Variants in SYCP2 observed in about 807,000 individuals in gnomAD.
The protein encoded by SYCP2 is synaptonemal complex protein 2, also known as synaptonemal complex lateral element protein.
In SYCP2, 55 loss-of-function variants were observed where a neutral mutation model predicts 211.3. That is an observed-to-expected ratio of 0.26 (90% confidence interval 0.21 to 0.33). SYCP2 has a LOEUF of 0.33. Among genes scored for constraint, SYCP2 ranks in the 10% least tolerant of loss-of-function variants. SYCP2 has a pLI of 1.00. For synonymous variants in SYCP2, 570 were observed against 555.2 expected (o/e 1.03, Z -0.37); for missense variants, 1,731 against 1,752.0 (o/e 0.99, Z 0.21).
rs1202785909 is a variant in SYCP2 at position 59,868,586 on chromosome 20, A to G, written c.3833-18T>C. 1 of 1,563,098 alleles carries G rather than the reference A, an allele frequency of 6.4e-7. No homozygotes were observed. Among genetic ancestry groups the G allele is most frequent in the Non-Finnish European group, 8.6e-7 (1 of 1,164,416 alleles). On this transcript the variant is annotated intron_variant, in intron 37 of 44. Coordinates refer to ENST00000357552, the MANE Select transcript of SYCP2 (RefSeq NM_014258.4). ...GGTGGGGCCTTAGGAACAGTTAAAG[A>G]AAGTTAAAAGCGCTGCAATTTTCAT...
At chr20:59,920,310 C>A (rs2060517358) in intron 5 of SYCP2, 49 bp downstream of exon 5, 1 of 1,441,822 alleles carries the variant, frequency 6.9e-7, no homozygotes, top group Non-Finnish European at 9.4e-7. Context: ...GAAAGCATAT[C>A]TTTTATAATA....
intron 24 of SYCP2, among the ~76,000 whole-genome samples, chr20:59,889,082 G>T (rs1287277616): frequency 6.6e-6 from 1 of 151,974 alleles, no homozygotes; most frequent in Non-Finnish European, 1.5e-5. Flanking sequence ...ATTCCTAGTT[G>T]AAAGAACAAA....
In SYCP2 at chr20:59,904,749, T is replaced by C. The variant is rs1015787014; in HGVS notation, c.1033+2615A>G. Among the ~76,000 whole-genome samples the C allele has an allele frequency of 3.9e-5, 6 of 152,146 alleles. No individual in the cohort carries two copies. The South Asian group carries it at 6.2e-4, about 16-fold the overall frequency. ...AGGGTGGGAAACTTATAAAAAAAGATTTATTTGGCTCATAGTTCTGCAGGC... is the reference window on the plus strand; with the variant it reads ...AGGGTGGGAAACTTATAAAAAAAGACTTATTTGGCTCATAGTTCTGCAGGC... On this transcript the variant is annotated intron_variant, in intron 15 of 44. Coordinates refer to ENST00000357552, the MANE Select transcript of SYCP2 (RefSeq NM_014258.4).
In SYCP2 at chr20:59,886,964, T is replaced by C. The variant is rs189651898; in HGVS notation, c.2365-130A>G. On this transcript the variant is annotated intron_variant, in intron 24 of 44. Transcript: ENST00000357552. The stretch of plus-strand genomic sequence containing the variant: ...GCGGAGAGAAATAAAGAGAGTCAAC[T>C]GTTTAGTAAGTTTGAGCTTTGTTAG... 77 of 669,750 alleles carry C rather than the reference T, an allele frequency of 1.1e-4. No individual in the cohort carries two copies. The African/African-American group carries it at 1.4e-3, about 12-fold the overall frequency. The allele number at this position is 669,750 out of a possible 1,614,324, so 41.5% of individuals were successfully genotyped here.
At chr20:59,884,897 T>G (rs148283443) in intron 26 of SYCP2, among the ~76,000 whole-genome samples, 82 of 151,464 alleles carry the variant, frequency 5.4e-4, no homozygotes, top group African/African-American at 1.9e-3. Context: ...AAATAAAAAT[T>G]TAAAAGGTAC....
At chr20:59,899,545 C>A (rs1350879079) in intron 18 of SYCP2, among the ~76,000 whole-genome samples, 1 of 152,108 alleles carries the variant, frequency 6.6e-6, no homozygotes, top group Non-Finnish European at 1.5e-5. Context: ...TTAGAGCAAA[C>A]CTACCAAGAG....
intron 3 of SYCP2, among the ~76,000 whole-genome samples, chr20:59,921,914 A>T (rs536953529): frequency 2.6e-5 from 4 of 151,738 alleles, no homozygotes; most frequent in Admixed American, 2.0e-4. Context: ...CATTACCATT[A>T]TATAATATTT....
chr20:59,892,102 G>A lies in SYCP2; in HGVS notation c.2252C>T (p.Thr751Ile), dbSNP rs6071006. ...KKYILSKDVN[T>I]ATCDKNPSAS... is the part of the protein sequence containing the mutation. ...AGATGGATTTTTATCGCAAGTAGCA[G>A]TATTCACATCTTTTGACAATATGTA... Residue 751 changes from threonine (T) to isoleucine (I), a missense_variant, in exon 24 of 45, where the codon ACT becomes ATT. By Grantham distance (89) the Thr-to-Ile change is moderately conservative (BLOSUM62 -1). Around this residue, in one of 3 missense-constraint regions of SYCP2, gnomAD observed 1,387 missense variants for 1,351.3 expected, o/e 1.03. Transcript: ENST00000357552. 0.026 allele frequency: 42,279 copies of A among 1,611,944 alleles called. 619 individuals carry two copies. Among genetic ancestry groups the A allele is most frequent in the Middle Eastern group, 0.043 (260 of 6,046 alleles).
chr20:59,917,499 T>C (rs751611624), intron 7 of SYCP2, among the ~76,000 whole-genome samples: 4 of 151,982 alleles, frequency 2.6e-5, no homozygotes, highest in Non-Finnish European at 4.4e-5. Context: ...TTATTTACTT[T>C]AAAAATCAGG....
At position 59,922,407 on chromosome 20, in the gene SYCP2, T is replaced by C. The variant is rs762682573; in HGVS notation, c.7A>G (p.Ile3Val). 30 of 1,567,798 alleles carry C rather than the reference T, an allele frequency of 1.9e-5. No individual in the cohort carries two copies. The highest frequency in any genetic ancestry group is 1.0e-4 in the Admixed American group (5 of 47,962). Residue 3 changes from isoleucine to valine, a missense_variant, in exon 3 of 45, where the codon ATA (isoleucine) becomes GTA (valine). Ile to Val is a conservative substitution (Grantham distance 29). Coordinates refer to ENST00000357552, the MANE Select transcript of SYCP2 (RefSeq NM_014258.4). ...CTACATACCTGGAGATCTGGTCTTA[T>C]TGGCATTTTGACTTCATTTAAAAAA... is the stretch of plus-strand genomic sequence containing the variant. MPIRPDLQQLEKC... is the reference protein window; with the variant it reads MPVRPDLQQLEKC...
Position 59,915,548 on chromosome 20 carries a change from A to C in SYCP2, c.516T>G (p.Ile172Met). 1 of 1,589,186 alleles carries C rather than the reference A, an allele frequency of 6.3e-7. No individual in the cohort carries two copies. The highest frequency in any genetic ancestry group is 8.6e-7 in the Non-Finnish European group (1 of 1,158,504). ...CAAGCATAGCATTCATTTTTTTTAT[A>C]ATCTAGAAAAGAAAAAAAGATAATG... Reference protein sequence around the residue: ...SRVNICIQQEIIKKMNAMLDK... With the variant: ...SRVNICIQQEMIKKMNAMLDK... The change falls in exon 9 of 45, where the codon ATT becomes ATG. Residue 172 changes from isoleucine (I) to methionine (M), a missense_variant and splice_region_variant. Transcript: ENST00000357552.
intron 1 of SYCP2, among the ~76,000 whole-genome samples, chr20:59,932,635 C>A (rs2060779920): frequency 1.3e-5 from 2 of 152,104 alleles, no homozygotes. Context: ...GATCGCACCA[C>A]TAAACTCCAG....
At chr20:59,915,350 T>C in intron 9 of SYCP2, 115 bp downstream of exon 9, 1 of 976,088 alleles carries the variant, frequency 1.0e-6, no homozygotes, top group Non-Finnish European at 1.6e-6. Context: ...TAAATTATAT[T>C]AAAAAGCTGC....
chr20:59,912,412 A>G lies in SYCP2; in HGVS notation c.837T>C (p.Phe279=), dbSNP rs777428044. ...NGMLGDKRRV[F]TFPCLSAFLD... ...GAAATGCTGATAAACAAGGAAATGT[A>G]AAGACCCTGAAATAAAAAGTAGTTT... is the stretch of plus-strand genomic sequence containing the variant. Residue 279 remains phenylalanine, a synonymous_variant, in exon 13 of 45, where the codon TTT becomes TTC. Coordinates refer to ENST00000357552, the MANE Select transcript of SYCP2 (RefSeq NM_014258.4). 1.2e-5 allele frequency: 13 copies of G among 1,064,198 alleles called. No homozygotes were observed. In the Admixed American group the frequency reaches 3.2e-4, roughly 26 times the overall value. The allele number at this position is 1,064,198 out of a possible 1,614,324, so 65.9% of individuals were successfully genotyped here.
intron 2 of SYCP2, among the ~76,000 whole-genome samples, chr20:59,924,758 A>C (rs997917794): frequency 6.6e-6 from 1 of 152,062 alleles, no homozygotes; most frequent in Non-Finnish European, 1.5e-5. Context: ...ACACAAACAA[A>C]AGAAAGCTAA....
intron 7 of SYCP2, 82 bp from the exon 8 acceptor site, chr20:59,916,653 AAAGG>A: frequency 1.0e-6 from 1 of 952,640 alleles, no homozygotes. Flanking sequence ...GAGTTAGTGG[AAAGG>A]GGCCAGGCAT....
rs768522111 is a variant in SYCP2 at position 59,896,444 on chromosome 20, G to C, written c.1489C>G (p.Leu497Val). 13 of 1,583,322 alleles carry C rather than the reference G, an allele frequency of 8.2e-6. No individual in the cohort carries two copies. The African/African-American group carries it at 1.6e-4, about 20-fold the overall frequency. ...TAAAACTTACATGTGTTGCTGAAAA[G>C]CACTGGACTTCTCATAGTGTATCTA... Reference protein sequence around the residue: ...ADRYTMRSPVLFSNTSIPPRR... With the variant: ...ADRYTMRSPVVFSNTSIPPRR... Residue 497 changes from leucine (L) to valine (V), a missense_variant, in exon 19 of 45, where the codon CTT (leucine) becomes GTT (valine). This residue lies in a region of SYCP2 where 1,387 missense variants were observed against 1,351.3 expected (regional missense o/e 1.03). Coordinates refer to ENST00000357552, the MANE Select transcript of SYCP2 (RefSeq NM_014258.4).
chr20:59,892,387 G>T lies in SYCP2; in HGVS notation c.1967C>A (p.Ser656Tyr). ...INKKLTKQKS[S>Y]SSISDHNSEG... ...AGAATTATGATCAGATATTGAAGAG[G>T]ATGATTTTTGTTTAGTAAGTTTTTT... Residue 656 changes from serine (S) to tyrosine (Y), a missense_variant, in exon 24 of 45, where the codon TCC becomes TAC. Physicochemically the swap from Ser to Tyr is moderately radical, Grantham distance 144 (BLOSUM62 -2). Transcript: ENST00000357552. 6.4e-7 allele frequency: 1 copy of T among 1,562,714 alleles called. No individual in the cohort carries two copies. The highest frequency in any genetic ancestry group is 8.7e-7 in the Non-Finnish European group (1 of 1,150,476).
At chr20:59,916,695 T>C (rs1041444940) in intron 7 of SYCP2, 124 bp from the exon 8 acceptor site, 3 of 627,342 alleles carry the variant, frequency 4.8e-6, no homozygotes, top group South Asian at 2.0e-5. Flanking sequence ...ATCCTAGCAC[T>C]TTGGAAGGCC....
Sources: allele counts gnomAD v4.1 joint callset (sites outside exome capture counted in the v4.1 genomes callset), GRCh38; gene constraint gnomAD v4.1.1; regional missense constraint gnomAD v4.1.1; transcripts MANE v1.5; gene names NCBI Gene and HGNC (gene_info 2026-07-23, HGNC 2026-07-21).